Variants in NELL2 observed in about 807,000 individuals in gnomAD.
NELL2 encodes the protein neural EGFL like 2.
In NELL2, 41 loss-of-function variants were observed where a neutral mutation model predicts 109.6. The ratio of observed to expected loss-of-function variants is 0.37; its 90% CI spans 0.29 to 0.49. The LOEUF is 0.49. Ranked by LOEUF, NELL2 falls within the 20% of genes least tolerant of loss-of-function variation. The pLI is 0.98. For missense variants in NELL2, 900 were observed against 1,008.3 expected, an observed-to-expected ratio of 0.89 and a Z score of 1.45; for synonymous variants, 355 against 344.7, an observed-to-expected ratio of 1.03 and a Z score of -0.33.
intron 3 of NELL2, among the ~76,000 whole-genome samples, chr12:44,802,774 ATAAGAG>A (rs1188962403): frequency 1.3e-5 from 2 of 152,224 alleles, no homozygotes; most frequent in East Asian, 3.9e-4. Flanking sequence ...CAGAATATGA[ATAAGAG>A]TAAGAGTAAA....
intron 15 of NELL2, among the ~76,000 whole-genome samples, chr12:44,572,939 T>C (rs74087620): frequency 0.063 from 9,595 of 152,106 alleles, 967 homozygotes; most frequent in African/African-American, 0.22. Context: ...GAAGCAGCAC[T>C]GGGAAAAAGC....
At chr12:44,724,999 A>C (rs750498551) in intron 9 of NELL2, among the ~76,000 whole-genome samples, 1 of 151,776 alleles carries the variant, frequency 6.6e-6, no homozygotes, top group Non-Finnish European at 1.5e-5. Context: ...CAAAGCTGAC[A>C]AAAAAAACAA....
At chr12:44,581,065 G>A (rs1944304480) in intron 15 of NELL2, among the ~76,000 whole-genome samples, 1 of 152,094 alleles carries the variant, frequency 6.6e-6, no homozygotes, top group Non-Finnish European at 1.5e-5. Flanking sequence ...AAATGATTCA[G>A]TCACTTATGA....
At chr12:44,589,120 G>C (rs1233839092) in intron 15 of NELL2, among the ~76,000 whole-genome samples, 1 of 152,166 alleles carries the variant, frequency 6.6e-6, no homozygotes, top group African/African-American at 2.4e-5. Context: ...ACTGTAAGTA[G>C]CAGAACTTCA....
At chr12:44,800,974 G>A (rs1358258432) in intron 3 of NELL2, among the ~76,000 whole-genome samples, 1 of 152,096 alleles carries the variant, frequency 6.6e-6, no homozygotes, top group Non-Finnish European at 1.5e-5. Flanking sequence ...AAGAGCCAAG[G>A]AAGAAGGCAA....
At chr12:44,600,974 A>C (rs553509114) in intron 15 of NELL2, among the ~76,000 whole-genome samples, 38 of 152,306 alleles carry the variant, frequency 2.5e-4, no homozygotes, top group Middle Eastern at 3.4e-3. Context: ...ATAAAAAAAT[A>C]AGAGGGAATA....
At chr12:44,749,082 A>G (rs1240189966) in intron 9 of NELL2, among the ~76,000 whole-genome samples, 1 of 152,172 alleles carries the variant, frequency 6.6e-6, no homozygotes, top group Non-Finnish European at 1.5e-5. Flanking sequence ...CAAAAGGACT[A>G]AGTCTGACAC....
intron 2 of NELL2, among the ~76,000 whole-genome samples, chr12:44,819,265 A>C (rs1943463779): frequency 6.6e-6 from 1 of 152,212 alleles, no homozygotes; most frequent in Admixed American, 6.5e-5. Flanking sequence ...TCTAGTGGCC[A>C]TGTGGAATGG....
At chr12:44,695,258 A>G (rs1388960340) in intron 12 of NELL2, among the ~76,000 whole-genome samples, 1 of 150,808 alleles carries the variant, frequency 6.6e-6, no homozygotes, top group Admixed American at 6.6e-5. Flanking sequence ...TGCTTTCTGG[A>G]TGAAATACAG....
rs749138807 is a variant in NELL2, at chr12:44,665,477, C to T, written c.1444+7G>A. On this transcript the variant is annotated splice_region_variant and intron_variant, in intron 13 of 19. Transcript: ENST00000429094. ...AATATTTTATTTCACAAATAGCCAC[C>T]GTTTACCTGTACATGAATAATCATC... is the stretch of plus-strand genomic sequence containing the variant. The T allele has an allele frequency of 8.8e-6, 14 of 1,591,372 alleles. No individual in the cohort carries two copies. The highest frequency in any genetic ancestry group is 1.2e-5 in the Non-Finnish European group (14 of 1,168,450).
chr12:44,554,730 C>A (rs1943177434), intron 15 of NELL2, among the ~76,000 whole-genome samples: 1 of 152,160 alleles, frequency 6.6e-6, no homozygotes, highest in Non-Finnish European at 1.5e-5. Context: ...TGGTGTATGA[C>A]TGTCAACAAC....
At chr12:44,846,158 C>T (rs150095958) in intron 2 of NELL2, among the ~76,000 whole-genome samples, 6 of 152,256 alleles carry the variant, frequency 3.9e-5, no homozygotes, top group African/African-American at 1.2e-4. Flanking sequence ...TAAGAGACAA[C>T]TTATAGGCCA....
chr12:44,869,838 T>A (rs997454775), intron 2 of NELL2, among the ~76,000 whole-genome samples: 3 of 152,200 alleles, frequency 2.0e-5, no homozygotes, highest in African/African-American at 7.2e-5. Flanking sequence ...TGTTTTGGAA[T>A]CTGAATAGGT....
At chr12:44,868,681 A>C (rs1945078990) in intron 2 of NELL2, among the ~76,000 whole-genome samples, 1 of 152,174 alleles carries the variant, frequency 6.6e-6, no homozygotes, top group Non-Finnish European at 1.5e-5. Context: ...GTGGGACCTT[A>C]AAAAGTTGAA....
At position 44,814,204 on chromosome 12, in the gene NELL2, G is replaced by C. The variant is rs549443865; in HGVS notation, c.335+1782C>G. On this transcript the variant is annotated intron_variant, in intron 3 of 19. Transcript: ENST00000429094. ...CACAGAGACAGGAGCAGTAAGAAAG[G>C]AGGTAGCAGTGGCCATCATCTATGT... Among the ~76,000 whole-genome samples, 6 of 152,312 alleles carry C rather than the reference G, an allele frequency of 3.9e-5. No homozygotes were observed. The South Asian group carries it at 1.2e-3, about 32-fold the overall frequency.
chr12:44,532,522 G>T, intron 16 of NELL2, 59 bp downstream of exon 16: 1 of 1,540,542 alleles, frequency 6.5e-7, no homozygotes, highest in Non-Finnish European at 8.9e-7. Flanking sequence ...TATAGCTTAT[G>T]ATATATTCCT....
rs574175260 is a variant in NELL2 at position 44,573,173 on chromosome 12, T to C, written c.1663+33996A>G. 9.8e-5 allele frequency among the ~76,000 whole-genome samples: 15 copies of C among 152,328 alleles called. No individual in the cohort carries two copies. The South Asian group carries it at 2.5e-3, about 25-fold the overall frequency. Reference sequence around the variant, plus strand: ...CAGCTGAGTTCTGCTCTCAGCCCATTAGGCTCTCAAGCCATAGGAAATTAT... The same window carrying C: ...CAGCTGAGTTCTGCTCTCAGCCCATCAGGCTCTCAAGCCATAGGAAATTAT... On this transcript the variant is annotated intron_variant, in intron 15 of 19. Transcript: ENST00000429094.
At chr12:44,570,588 A>C (rs1943829181) in intron 15 of NELL2, among the ~76,000 whole-genome samples, 1 of 152,220 alleles carries the variant, frequency 6.6e-6, no homozygotes, top group Admixed American at 6.5e-5. Flanking sequence ...GAATATGTCA[A>C]TGCCCATTAA....
At chr12:44,817,041 C>T (rs1176112615) in intron 2 of NELL2, among the ~76,000 whole-genome samples, 1 of 152,188 alleles carries the variant, frequency 6.6e-6, no homozygotes, top group Non-Finnish European at 1.5e-5. Context: ...CTTTCCTATG[C>T]TTGTCTAGAT....
Sources: gnomAD v4.1 joint callset for allele counts (sites outside exome capture counted in the v4.1 genomes callset) on GRCh38, gnomAD v4.1.1 for gene constraint, MANE v1.5 for transcripts, NCBI Gene and HGNC (gene_info 2026-07-23, HGNC 2026-07-21) for gene names.